ANKFY1: variants seen among roughly 807,000 people sequenced by gnomAD.
ANKFY1 encodes ankyrin repeat and FYVE domain-containing protein 1.
Under a neutral mutation model 128.3 loss-of-function variants are expected in ANKFY1, and 47 were observed. The ratio of observed to expected loss-of-function variants is 0.37; its 90% CI spans 0.29 to 0.47. ANKFY1 has a LOEUF of 0.47. Among genes scored for constraint, ANKFY1 ranks in the 20% least tolerant of loss-of-function variants. The pLI is 1.00. For missense variants in ANKFY1, 1,222 were observed against 1,510.6 expected (o/e 0.81, Z 3.17); for synonymous variants, 553 against 601.6 (o/e 0.92, Z 1.18).
intron 14 of ANKFY1, 69 bp downstream of exon 14, chr17:4,183,329 G>A (rs1029602406): frequency 1.7e-5 from 27 of 1,561,424 alleles, no homozygotes; most frequent in East Asian, 2.3e-5. Context: ...TTCTACAAGC[G>A]AGGCTATGCT....
intron 3 of ANKFY1, among the ~76,000 whole-genome samples, chr17:4,231,721 G>T (rs2143238741): frequency 6.6e-6 from 1 of 152,152 alleles, no homozygotes; most frequent in African/African-American, 2.4e-5. Flanking sequence ...AAGGCAGGAG[G>T]ATTCCTTGAG....
At chr17:4,252,037 A>T (rs989202772) in intron 1 of ANKFY1, among the ~76,000 whole-genome samples, 8 of 150,888 alleles carry the variant, frequency 5.3e-5, no homozygotes, top group African/African-American at 2.0e-4. Context: ...CCGTCTTAAA[A>T]AAAAAAAAAA....
intron 4 of ANKFY1, among the ~76,000 whole-genome samples, chr17:4,213,669 C>T (rs1232456261): frequency 6.6e-6 from 1 of 150,616 alleles, no homozygotes; most frequent in Non-Finnish European, 1.5e-5. Context: ...CAGGTTCATG[C>T]GATTCTCCTG....
At chr17:4,248,265 G>A (rs1967661729) in intron 1 of ANKFY1, among the ~76,000 whole-genome samples, 2 of 152,218 alleles carry the variant, frequency 1.3e-5, no homozygotes, top group Non-Finnish European at 1.5e-5. Flanking sequence ...CCTGAGCTCC[G>A]CCTCCTGTGA....
At chr17:4,180,562 G>A (rs1273634099) in intron 16 of ANKFY1, 1 of 151,784 alleles carries the variant, frequency 6.6e-6, no homozygotes. Flanking sequence ...AGGAGATCGA[G>A]ACCATCCTGG....
Position 4,179,835 on chromosome 17 carries a change from T to C in ANKFY1, c.2283A>G (p.Gly761=), listed in dbSNP as rs751318157. The part of the protein sequence containing the change: ...VNSPRQPGAN[G]EGEEEARDGQ... ...CATCTCTAGCCTCTTCCTCTCCTTC[T>C]CCATTGGCGCCTGGTTGTCTGGGAC... The change falls in exon 17 of 25, where the codon GGA becomes GGG. Residue 761 remains glycine, a synonymous_variant. Coordinates refer to ENST00000341657, the MANE Select transcript of ANKFY1 (RefSeq NM_001330063.2). 12 of 1,614,038 alleles carry C rather than the reference T, an allele frequency of 7.4e-6. No individual in the cohort carries two copies. Among genetic ancestry groups the C allele is most frequent in the Non-Finnish European group, 1.0e-5 (12 of 1,180,036 alleles).
intron 21 of ANKFY1, 130 bp downstream of exon 21, chr17:4,173,224 C>G (rs1598007922): frequency 1.3e-6 from 1 of 755,020 alleles, no homozygotes; most frequent in Non-Finnish European, 2.2e-6. Context: ...ATAAAGTACC[C>G]GAAGCTGGTG....
intron 10 of ANKFY1, among the ~76,000 whole-genome samples, chr17:4,193,419 CTTTTTTTTTT>C (rs34747890): frequency 0.64 from 69,142 of 108,610 alleles, 21,716 homozygotes; most frequent in East Asian, 0.83. Context: ...CCAGTCGACT[CTTTTTTTTTT>C]TTTTTTTTTT....
At chr17:4,262,447 A>T (rs1968470681) in intron 1 of ANKFY1, among the ~76,000 whole-genome samples, 1 of 152,068 alleles carries the variant, frequency 6.6e-6, no homozygotes, top group African/African-American at 2.4e-5. Context: ...TTTTTTGTAG[A>T]TACGAGGTTT....
intron 6 of ANKFY1, 44 bp from the exon 7 acceptor site, chr17:4,206,530 T>C (rs756510132): frequency 6.4e-7 from 1 of 1,562,140 alleles, no homozygotes; most frequent in Non-Finnish European, 8.8e-7. Flanking sequence ...GAGTAGAGAA[T>C]ACGACCTATT....
rs1567898557 is a variant in ANKFY1, at chr17:4,165,388, G to C, written c.*2391C>G. 1 of 152,226 alleles carries C rather than the reference G, an allele frequency of 6.6e-6. No individual in the cohort carries two copies. Among genetic ancestry groups the C allele is most frequent in the African/African-American group, 2.4e-5 (1 of 41,450 alleles). 9.4% of individuals were successfully genotyped at this position (152,226 alleles called of 1,614,324 possible). On this transcript the variant is annotated 3_prime_UTR_variant, in exon 25 of 25. Coordinates refer to ENST00000341657, the MANE Select transcript of ANKFY1 (RefSeq NM_001330063.2). The stretch of plus-strand genomic sequence containing the variant: ...TGCTACTAGTACTTAAGCTACTGAT[G>C]AAAACTTACAACAGCTAGGCAGGTT...
rs1047168056 is a variant in ANKFY1, at chr17:4,263,684, C to T, written c.10+248G>A. On this transcript the variant is annotated intron_variant, in intron 1 of 24. Transcript: ENST00000341657. ...GCTGCACGCAGCACCGGCGCGGGACCTGCCAGCCCGGCTCCGCAGCCGGCC... is the reference window on the plus strand; with the variant it reads ...GCTGCACGCAGCACCGGCGCGGGACTTGCCAGCCCGGCTCCGCAGCCGGCC... 7.9e-6 allele frequency: 12 copies of T among 1,525,794 alleles called. No individual in the cohort carries two copies. The African/African-American group carries it at 1.7e-4, about 21-fold the overall frequency. 94.5% of individuals were successfully genotyped at this position (1,525,794 alleles called of 1,614,324 possible).
At chr17:4,263,756 C>T (rs1968553753) in intron 1 of ANKFY1, 176 bp downstream of exon 1, 5 of 1,517,230 alleles carry the variant, frequency 3.3e-6, no homozygotes, top group Middle Eastern at 2.2e-4. Flanking sequence ...GTCATAGGAA[C>T]CGCGCTCCGG....
chr17:4,246,940 C>T (rs1000619253), intron 1 of ANKFY1, among the ~76,000 whole-genome samples: 5 of 151,740 alleles, frequency 3.3e-5, no homozygotes, highest in East Asian at 1.9e-4. Context: ...GGTGAAACCC[C>T]GTCTCTACAA....
rs1175370399 is a variant in ANKFY1 at position 4,165,965 on chromosome 17, G to A, written c.*1814C>T. Reference sequence around the variant, plus strand: ...GGCCCTTTCCAGGTAATAGAAAATGGAAACTGACCACATGCCTCACATGGC... The same window carrying A: ...GGCCCTTTCCAGGTAATAGAAAATGAAAACTGACCACATGCCTCACATGGC... On this transcript the variant is annotated 3_prime_UTR_variant, in exon 25 of 25. Coordinates refer to ENST00000341657, the MANE Select transcript of ANKFY1 (RefSeq NM_001330063.2). 6.6e-6 allele frequency: 1 copy of A among 152,150 alleles called. No individual in the cohort carries two copies. Among genetic ancestry groups the A allele is most frequent in the Non-Finnish European group, 1.5e-5 (1 of 68,024 alleles). 9.4% of individuals were successfully genotyped at this position (152,150 alleles called of 1,614,324 possible).
intron 2 of ANKFY1, 26 bp downstream of exon 2, chr17:4,242,230 C>T: frequency 6.7e-7 from 1 of 1,481,772 alleles, no homozygotes; most frequent in Non-Finnish European, 8.9e-7. Context: ...AGCCAAAGGG[C>T]CTTCTGTGTC....
intron 1 of ANKFY1, among the ~76,000 whole-genome samples, chr17:4,252,224 C>A (rs1453071865): frequency 6.6e-6 from 1 of 152,034 alleles, no homozygotes; most frequent in African/African-American, 2.4e-5. Flanking sequence ...CAATGAAATA[C>A]CACTACACAC....
At chr17:4,203,001 T>TATATATATATATATATATATA (rs397944338) in intron 7 of ANKFY1, among the ~76,000 whole-genome samples, 1 of 149,904 alleles carries the variant, frequency 6.7e-6, no homozygotes, top group African/African-American at 2.4e-5. Context: ...TATATATATA[T>TATATATATATATATATATATA]TCACCCCACA....
In ANKFY1 at chr17:4,167,598, C is replaced by A. The variant is rs1025459194; in HGVS notation, c.*181G>T. 7 of 566,414 alleles carry A rather than the reference C, an allele frequency of 1.2e-5. No individual in the cohort carries two copies. Among genetic ancestry groups the A allele is most frequent in the Non-Finnish European group, 1.7e-5 (6 of 344,856 alleles). 35.1% of individuals were successfully genotyped at this position (566,414 alleles called of 1,614,324 possible). On this transcript the variant is annotated 3_prime_UTR_variant, in exon 25 of 25. Transcript: ENST00000341657. The surrounding 1 kb of genome is among the most constrained non-coding windows in gnomAD (Gnocchi z 4.1). The stretch of plus-strand genomic sequence containing the variant: ...GAAATCGATCACAGTCTGACACACA[C>A]ACTGACAATCATATGGAATCATTTG...
Sources: allele counts gnomAD v4.1 joint callset (sites outside exome capture counted in the v4.1 genomes callset), GRCh38; gene constraint gnomAD v4.1.1; non-coding constraint Gnocchi (gnomAD v3.1); transcripts MANE v1.5; gene names NCBI Gene and HGNC (gene_info 2026-07-23, HGNC 2026-07-21).